The following CLSTN2 variants were observed in gnomAD, a reference collection of about 807,000 sequenced individuals.
CLSTN2 encodes the protein calsyntenin 2, also known as calsyntenin-2.
A neutral mutation model predicts 101.2 loss-of-function variants in CLSTN2; 48 were observed. The observed-to-expected ratio is 0.47, with a 90% CI of 0.38 to 0.60. The LOEUF is 0.60. Among genes scored for constraint, CLSTN2 ranks in the 20% least tolerant of loss-of-function variants. The pLI, the probability that CLSTN2 is intolerant of heterozygous loss-of-function variation, is 0.00. For missense variants in CLSTN2, 1,160 were observed against 1,238.2 expected, an observed-to-expected ratio of 0.94 and a Z score of 0.95; for synonymous variants, 481 against 463.6, an observed-to-expected ratio of 1.04 and a Z score of -0.48.
rs933026446 is a variant in CLSTN2, at chr3:140,573,714, G to C, written c.*7461G>C. ...GAGTAGCAGTCTAGGAAAGGGACTA[G>C]ACATGTAGCCTAGGAAAACTAGCAC... On this transcript the variant is annotated 3_prime_UTR_variant, in exon 17 of 17. Coordinates refer to ENST00000458420, the MANE Select transcript of CLSTN2 (RefSeq NM_022131.3). 3 of 152,252 alleles carry C rather than the reference G, an allele frequency of 2.0e-5. No homozygotes were observed. Among genetic ancestry groups the C allele is most frequent in the Non-Finnish European group, 2.9e-5 (2 of 68,078 alleles). 9.4% of individuals were successfully genotyped at this position (152,252 alleles called of 1,614,324 possible). A position where few individuals can be genotyped will look rare whatever the true frequency, so the allele number is the denominator to read the frequency against.
chr3:140,084,637 G>A (rs1466945984), intron 1 of CLSTN2, among the ~76,000 whole-genome samples: 1 of 152,116 alleles, frequency 6.6e-6, no homozygotes, highest in Admixed American at 6.5e-5. Flanking sequence ...CTACCTGAGG[G>A]TTCTCTAATA....
chr3:140,411,104 TG>T (rs2088358194), intron 4 of CLSTN2, among the ~76,000 whole-genome samples: 1 of 152,190 alleles, frequency 6.6e-6, no homozygotes, highest in African/African-American at 2.4e-5. Context: ...TTACTTTAAA[TG>T]TAAATGGACT....
intron 2 of CLSTN2, among the ~76,000 whole-genome samples, chr3:140,393,623 G>C (rs1036285138): frequency 2.6e-5 from 4 of 152,108 alleles, no homozygotes; most frequent in Non-Finnish European, 4.4e-5. Flanking sequence ...ACTCTCCAAG[G>C]TGTTTCAATG....
At chr3:140,215,276 CCTTA>C (rs2010906385) in intron 2 of CLSTN2, among the ~76,000 whole-genome samples, 2 of 152,272 alleles carry the variant, frequency 1.3e-5, no homozygotes, top group Admixed American at 1.3e-4. Context: ...TCCCATTTCC[CCTTA>C]CTTGTGTTTT....
intron 1 of CLSTN2, among the ~76,000 whole-genome samples, chr3:139,972,242 C>CG (rs1265687085): frequency 6.6e-6 from 1 of 151,464 alleles, no homozygotes; most frequent in Non-Finnish European, 1.5e-5. Context: ...CCAGCCTGGG[C>CG]GACAGAGTGG....
chr3:140,376,261 A>C (rs1254486635), intron 2 of CLSTN2, among the ~76,000 whole-genome samples: 1 of 152,228 alleles, frequency 6.6e-6, no homozygotes, highest in Non-Finnish European at 1.5e-5. Context: ...AGCTTGGCTC[A>C]GTTTTCAACT....
chr3:140,257,003 C>T lies in CLSTN2; in HGVS notation c.232+80930C>T, dbSNP rs199607765. On this transcript the variant is annotated intron_variant, in intron 2 of 16. Coordinates refer to ENST00000458420, the MANE Select transcript of CLSTN2 (RefSeq NM_022131.3). ...AGCAATGTGTGTATAGAAAGGCATA[C>T]ATAGGCCGGGCGCGATGGCTCACGC... Among the ~76,000 whole-genome samples, 12 of 152,264 alleles carry T rather than the reference C, an allele frequency of 7.9e-5. No homozygotes were observed. In the South Asian group the frequency reaches 1.0e-3, roughly 13 times the overall value.
At chr3:140,006,514 G>A (rs915024931) in intron 1 of CLSTN2, among the ~76,000 whole-genome samples, 9 of 152,108 alleles carry the variant, frequency 5.9e-5, no homozygotes, top group African/African-American at 1.9e-4. Flanking sequence ...TGGAATCCAC[G>A]CTTAATCTCT....
At chr3:140,313,731 G>A (rs1367390735) in intron 2 of CLSTN2, among the ~76,000 whole-genome samples, 2 of 152,284 alleles carry the variant, frequency 1.3e-5, no homozygotes, top group East Asian at 1.9e-4. Flanking sequence ...GTGTGTCATG[G>A]GTAAAAAGTC....
intron 1 of CLSTN2, among the ~76,000 whole-genome samples, chr3:139,975,196 G>T (rs1576382710): frequency 6.6e-6 from 1 of 152,136 alleles, no homozygotes; most frequent in Non-Finnish European, 1.5e-5. Flanking sequence ...CCCTAAGGAG[G>T]GGGAGTAGCA....
intron 2 of CLSTN2, among the ~76,000 whole-genome samples, chr3:140,384,366 T>G (rs2088027274): frequency 6.6e-6 from 1 of 152,216 alleles, no homozygotes; most frequent in Non-Finnish European, 1.5e-5. Flanking sequence ...TCCTCCCTGG[T>G]CTTTTCTGCA....
intron 1 of CLSTN2, among the ~76,000 whole-genome samples, chr3:140,110,953 A>G (rs1480851033): frequency 1.3e-5 from 2 of 152,196 alleles, no homozygotes; most frequent in Non-Finnish European, 2.9e-5. Context: ...TTGTGGAAAC[A>G]CAATCCAGAT....
rs1222519525 is a variant in CLSTN2 at position 140,246,311 on chromosome 3, CAG to C, written c.232+70243_232+70244del. The stretch of plus-strand genomic sequence containing the variant: ...TGAATGCATCTCCTGCCCCTTCAAT[CAG>C]AGAGCGTTCCTGGTAAATAACTGTG... On this transcript the variant is annotated intron_variant, in intron 2 of 16. Transcript: ENST00000458420. 3.3e-5 allele frequency among the ~76,000 whole-genome samples: 5 copies of C among 152,204 alleles called. No individual in the cohort carries two copies. In the South Asian group the frequency reaches 8.3e-4, roughly 25 times the overall value.
rs147818814 is a variant in CLSTN2 at position 140,143,904 on chromosome 3, C to T, written c.110-32047C>T. 5.1e-4 allele frequency among the ~76,000 whole-genome samples: 78 copies of T among 152,324 alleles called. 1 individual carries two copies. Among genetic ancestry groups the T allele is most frequent in the African/African-American group, 1.7e-3 (72 of 41,572 alleles). ...TGCCTTTGTGCTGTCTGTCAGCTTC[C>T]GCTCTGTAGATACTAAACACTGTTA... On this transcript the variant is annotated intron_variant, in intron 1 of 16. Transcript: ENST00000458420.
chr3:140,310,826 CTG>C (rs1240674181), intron 2 of CLSTN2, among the ~76,000 whole-genome samples: 9 of 152,192 alleles, frequency 5.9e-5, no homozygotes, highest in Admixed American at 1.3e-4. Context: ...CTATTATCTG[CTG>C]TCTTATATAT....
At chr3:140,000,781 T>C (rs1010715901) in intron 1 of CLSTN2, among the ~76,000 whole-genome samples, 1 of 152,190 alleles carries the variant, frequency 6.6e-6, no homozygotes, top group Non-Finnish European at 1.5e-5. Context: ...TATATTATCT[T>C]TCCTTTCTCT....
At chr3:140,151,601 G>C (rs1374567919) in intron 1 of CLSTN2, among the ~76,000 whole-genome samples, 1 of 152,074 alleles carries the variant, frequency 6.6e-6, no homozygotes, top group Non-Finnish European at 1.5e-5. Context: ...GCTGTCGGGA[G>C]GATGCCTTGG....
At chr3:140,287,808 T>C (rs2086909348) in intron 2 of CLSTN2, among the ~76,000 whole-genome samples, 1 of 152,184 alleles carries the variant, frequency 6.6e-6, no homozygotes, top group Non-Finnish European at 1.5e-5. Flanking sequence ...GCCAGCATTC[T>C]AAGATAGGTC....
chr3:140,551,189 G>T (rs1935692739), intron 10 of CLSTN2, among the ~76,000 whole-genome samples: 1 of 151,198 alleles, frequency 6.6e-6, no homozygotes, highest in African/African-American at 2.4e-5. Context: ...TACTCCTCAT[G>T]TCATTTCTGA....
Sources: gnomAD v4.1 joint callset for allele counts (sites outside exome capture counted in the v4.1 genomes callset) on GRCh38, gnomAD v4.1.1 for gene constraint, MANE v1.5 for transcripts, NCBI Gene and HGNC (gene_info 2026-07-23, HGNC 2026-07-21) for gene names.